FAT3: variants seen among roughly 807,000 people sequenced by gnomAD.
FAT3 encodes FAT atypical cadherin 3.
In FAT3, 95 loss-of-function variants were observed where a neutral mutation model predicts 310.2. The observed-to-expected ratio is 0.31, with a 90% CI of 0.26 to 0.36. The LOEUF (loss-of-function observed/expected upper bound fraction) is 0.36. FAT3 is among the 10% of genes least tolerant of loss of function. The probability of loss-of-function intolerance (pLI) is 1.00; values close to 1 mark genes in which losing one functional copy is unlikely to be tolerated. For missense variants in FAT3, 5,408 were observed against 5,715.6 expected, an observed-to-expected ratio of 0.95 and a Z score of 1.74; for synonymous variants, 2,314 against 2,192.9, an observed-to-expected ratio of 1.06 and a Z score of -1.54.
chr11:92,624,407 C>G (rs1398340473), intron 3 of FAT3, among the ~76,000 whole-genome samples: 2 of 152,052 alleles, frequency 1.3e-5, no homozygotes, highest in Admixed American at 6.6e-5. Context: ...TGGGTCAGAT[C>G]CTAAAGGGCC....
intron 2 of FAT3, among the ~76,000 whole-genome samples, chr11:92,481,648 G>T (rs1037833259): frequency 6.6e-6 from 1 of 152,138 alleles, no homozygotes; most frequent in African/African-American, 2.4e-5. Flanking sequence ...AAACATAAAT[G>T]CTTTGTACTT....
chr11:92,228,932 G>A (rs534233106), intron 1 of FAT3, among the ~76,000 whole-genome samples: 1 of 152,284 alleles, frequency 6.6e-6, no homozygotes, highest in East Asian at 1.9e-4. Flanking sequence ...TCTGATGGGA[G>A]CAGGTGGGCC....
At chr11:92,841,392 G>C (rs1450400182) in intron 18 of FAT3, among the ~76,000 whole-genome samples, 2 of 152,204 alleles carry the variant, frequency 1.3e-5, no homozygotes, top group Non-Finnish European at 2.9e-5. Flanking sequence ...GTTGCTTACA[G>C]AGGGCAACCT....
intron 1 of FAT3, among the ~76,000 whole-genome samples, chr11:92,300,563 C>T (rs1946972362): frequency 6.8e-6 from 1 of 147,320 alleles, no homozygotes; most frequent in Non-Finnish European, 1.5e-5. Context: ...TTCAGAGAGG[C>T]CTTCCTTAAC....
chr11:92,266,405 G>C (rs1363871610), intron 1 of FAT3, among the ~76,000 whole-genome samples: 2 of 152,168 alleles, frequency 1.3e-5, no homozygotes, highest in Non-Finnish European at 2.9e-5. Flanking sequence ...AATCCTCTTT[G>C]ATAAAATGTC....
At chr11:92,827,915 G>A (rs1329882934) in intron 13 of FAT3, among the ~76,000 whole-genome samples, 1 of 152,164 alleles carries the variant, frequency 6.6e-6, no homozygotes, top group East Asian at 1.9e-4. Context: ...TGCAATGAAA[G>A]TCACACTTCT....
At chr11:92,492,647 C>A (rs142195862) in intron 2 of FAT3, among the ~76,000 whole-genome samples, 1 of 152,036 alleles carries the variant, frequency 6.6e-6, no homozygotes, top group Non-Finnish European at 1.5e-5. Flanking sequence ...ATACTGGGAG[C>A]TTCCCCTCTC....
At position 92,480,134 on chromosome 11, in the gene FAT3, G is replaced by A. The variant is rs559147211; in HGVS notation, c.3293-44500G>A. ...CAAAAAATTAGCCGGGCGTGGTGGC[G>A]GGCGCCTGTAGTCCCAGCTACTCAG... On this transcript the variant is annotated intron_variant, in intron 2 of 27. Transcript: ENST00000525166. Among the ~76,000 whole-genome samples, 24 of 151,994 alleles carry A rather than the reference G, an allele frequency of 1.6e-4. No homozygotes were observed. In the South Asian group the frequency reaches 1.9e-3, roughly 12 times the overall value.
In FAT3 at chr11:92,243,501, G is replaced by C. The variant is rs116661026; in HGVS notation, c.-18+18327G>C. Among the ~76,000 whole-genome samples, 1,430 of 151,908 alleles carry C rather than the reference G, an allele frequency of 9.4e-3. 27 individuals are homozygous for C. The highest frequency in any genetic ancestry group is 0.033 in the African/African-American group (1,349 of 41,480). ...GACTTGCTTTATGTTTTAGAAACTTGTCTTTTTCCTAAATAGAAAACTTTC... is the reference window on the plus strand; with the variant it reads ...GACTTGCTTTATGTTTTAGAAACTTCTCTTTTTCCTAAATAGAAAACTTTC... On this transcript the variant is annotated intron_variant, in intron 1 of 27. Transcript: ENST00000525166.
intron 3 of FAT3, among the ~76,000 whole-genome samples, chr11:92,581,993 G>A (rs987432253): frequency 6.6e-6 from 1 of 152,060 alleles, no homozygotes; most frequent in South Asian, 2.1e-4. Flanking sequence ...AAGGGCTCTT[G>A]GTTACCCATT....
intron 20 of FAT3, among the ~76,000 whole-genome samples, chr11:92,858,451 G>A (rs182488381): frequency 6.6e-6 from 1 of 152,118 alleles, no homozygotes; most frequent in Admixed American, 6.5e-5. Flanking sequence ...TATAATTATT[G>A]TCCATTTGGT....
rs114223771 is a variant in FAT3, at chr11:92,324,828, T to C, written c.-17-27268T>C. 6.3e-3 allele frequency among the ~76,000 whole-genome samples: 959 copies of C among 152,326 alleles called. 14 individuals carry two copies. Among genetic ancestry groups the C allele is most frequent in the African/African-American group, 0.021 (862 of 41,566 alleles). ...TCCATGAATAGTGGCATCTAATCTA[T>C]TTCATGACTATTATCATTAATCTAA... On this transcript the variant is annotated intron_variant, in intron 1 of 27. Transcript: ENST00000525166.
At chr11:92,555,095 T>C (rs758530727) in intron 3 of FAT3, among the ~76,000 whole-genome samples, 2 of 152,330 alleles carry the variant, frequency 1.3e-5, no homozygotes, top group South Asian at 4.1e-4. Context: ...AATCAACTCT[T>C]GTTTCAATTT....
chr11:92,856,895 T>C (rs776497050), intron 19 of FAT3, among the ~76,000 whole-genome samples: 16 of 152,296 alleles, frequency 1.1e-4, no homozygotes, highest in Admixed American at 3.9e-4. Flanking sequence ...TTGTGATCTT[T>C]CTTCAGCTGA....
chr11:92,764,536 A>G (rs900521253), intron 5 of FAT3, among the ~76,000 whole-genome samples: 14 of 152,194 alleles, frequency 9.2e-5, no homozygotes, highest in African/African-American at 3.1e-4. Flanking sequence ...GCTTAGGATC[A>G]TGCTCTCAGG....
intron 4 of FAT3, among the ~76,000 whole-genome samples, chr11:92,720,389 T>C (rs1001453509): frequency 6.6e-6 from 1 of 152,190 alleles, no homozygotes; most frequent in African/African-American, 2.4e-5. Context: ...TAAAATGCTT[T>C]AAAAATATAA....
chr11:92,372,550 G>C (rs921360707), intron 2 of FAT3, among the ~76,000 whole-genome samples: 5 of 151,956 alleles, frequency 3.3e-5, no homozygotes, highest in African/African-American at 9.7e-5. Context: ...ATTTCCCAAG[G>C]GTTCTGGTTT....
intron 3 of FAT3, among the ~76,000 whole-genome samples, chr11:92,653,572 G>A (rs1444162756): frequency 1.3e-5 from 2 of 152,046 alleles, no homozygotes; most frequent in Admixed American, 6.5e-5. Flanking sequence ...AATATTCTGG[G>A]GACACCCAGA....
rs1398912962 is a variant in FAT3, at chr11:92,834,908, T to A, written c.9910T>A (p.Cys3304Ser). ...SVSEVLDYEL[C>S]KRFYLVVEAK... ...CTCTGAAGTCCTGGACTATGAATTATGCAAAAGGTTTTACCTGGTAGTGGA... is the reference window on the plus strand; with the variant it reads ...CTCTGAAGTCCTGGACTATGAATTAAGCAAAAGGTTTTACCTGGTAGTGGA... The change falls in exon 15 of 28, where the codon TGC becomes AGC. Residue 3304 changes from cysteine to serine, a missense_variant. By Grantham distance (112) the Cys-to-Ser change is moderately radical (BLOSUM62 -1). Around this residue, in one of 5 missense-constraint regions of FAT3, gnomAD observed 4,588 missense variants for 4,809.8 expected, o/e 0.95. Coordinates refer to ENST00000525166, the MANE Select transcript of FAT3 (RefSeq NM_001367949.2). 6.2e-7 allele frequency: 1 copy of A among 1,612,648 alleles called. No individual in the cohort carries two copies. The highest frequency in any genetic ancestry group is 8.5e-7 in the Non-Finnish European group (1 of 1,179,402).
Sources: gnomAD v4.1 joint callset for allele counts (sites outside exome capture counted in the v4.1 genomes callset) on GRCh38, gnomAD v4.1.1 for gene constraint, gnomAD v4.1.1 regional missense constraint, MANE v1.5 for transcripts, NCBI Gene and HGNC (gene_info 2026-07-23, HGNC 2026-07-21) for gene names.